RGS7: variants seen among roughly 807,000 people sequenced by gnomAD.
RGS7 encodes the protein regulator of G-protein signaling 7.
RGS7 carries 27 observed loss-of-function variants against 81.1 expected under a neutral mutation model. The ratio of observed to expected loss-of-function variants is 0.33; its 90% CI spans 0.25 to 0.46. RGS7 has a LOEUF of 0.46. RGS7 is among the 20% of genes least tolerant of loss of function. The probability of loss-of-function intolerance (pLI) is 1.00; values close to 1 mark genes in which losing one functional copy is unlikely to be tolerated. For missense variants in RGS7, 396 were observed against 607.4 expected (o/e 0.65, Z 3.66); for synonymous variants, 208 against 207.7 (o/e 1.00, Z -0.01).
chr1:241,143,204 G>A, intron 2 of RGS7, among the ~76,000 whole-genome samples: 1 of 152,100 alleles, frequency 6.6e-6, no homozygotes, highest in Non-Finnish European at 1.5e-5. Context: ...GTCTTCTTCT[G>A]AGCCCTCCAA....
intron 2 of RGS7, among the ~76,000 whole-genome samples, chr1:241,157,821 C>CTT (rs67249227): frequency 0.028 from 2,649 of 94,668 alleles, 68 homozygotes; most frequent in African/African-American, 0.06. Context: ...CTTTTCTTTT[C>CTT]TTTTTTTTTT....
intron 3 of RGS7, among the ~76,000 whole-genome samples, chr1:241,039,985 A>C (rs955239689): frequency 1.3e-5 from 2 of 152,236 alleles, no homozygotes; most frequent in Non-Finnish European, 2.9e-5. Flanking sequence ...GTTTAATAGA[A>C]GATTGAATGT....
intron 2 of RGS7, among the ~76,000 whole-genome samples, chr1:241,148,051 C>CTT (rs58632066): frequency 0.013 from 1,387 of 108,460 alleles, 47 homozygotes; most frequent in African/African-American, 0.02. Context: ...TTTTCTTTTT[C>CTT]TTTTTTTTTT....
intron 2 of RGS7, among the ~76,000 whole-genome samples, chr1:241,348,772 G>T (rs1012712482): frequency 6.6e-6 from 1 of 152,160 alleles, no homozygotes; most frequent in African/African-American, 2.4e-5. Flanking sequence ...ATGAGTAGAG[G>T]AAGCTGTCTA....
intron 2 of RGS7, among the ~76,000 whole-genome samples, chr1:241,238,976 T>C (rs2076129291): frequency 6.7e-6 from 1 of 148,958 alleles, no homozygotes; most frequent in African/African-American, 2.5e-5. Flanking sequence ...CTTTTTTTTT[T>C]TTTTTTTTTT....
chr1:240,871,607 TA>T (rs1274796282), intron 6 of RGS7, among the ~76,000 whole-genome samples: 1 of 152,206 alleles, frequency 6.6e-6, no homozygotes, highest in African/African-American at 2.4e-5. Flanking sequence ...TCAGACTTCA[TA>T]AACAAAAGTG....
chr1:240,979,956 T>C (rs1241784082), intron 4 of RGS7, among the ~76,000 whole-genome samples: 1 of 152,124 alleles, frequency 6.6e-6, no homozygotes, highest in African/African-American at 2.4e-5. Flanking sequence ...AAAGAAGAAA[T>C]GGAATTTTCC....
intron 6 of RGS7, among the ~76,000 whole-genome samples, chr1:240,914,644 A>C (rs1183401925): frequency 6.6e-6 from 1 of 152,198 alleles, no homozygotes; most frequent in East Asian, 1.9e-4. Context: ...AAATAAAAAC[A>C]ACATAGTCAT....
At chr1:240,940,159 T>G (rs892122180) in intron 4 of RGS7, among the ~76,000 whole-genome samples, 2 of 152,178 alleles carry the variant, frequency 1.3e-5, no homozygotes, top group Admixed American at 6.5e-5. Context: ...GCCCCCAATA[T>G]ATTCCCTAGT....
At chr1:241,089,180 A>G (rs186007009) in intron 3 of RGS7, among the ~76,000 whole-genome samples, 30 of 148,060 alleles carry the variant, frequency 2.0e-4, no homozygotes, top group Non-Finnish European at 4.2e-4. Context: ...GAAAAAGCAG[A>G]GCAGGGATAA....
intron 2 of RGS7, chr1:241,305,804 G>A (rs1057407486): frequency 6.9e-5 from 19 of 277,030 alleles, no homozygotes; most frequent in Admixed American, 3.6e-4. Flanking sequence ...TGAGGCGCCC[G>A]CTTGGCTGTG....
intron 3 of RGS7, among the ~76,000 whole-genome samples, chr1:241,034,788 G>A (rs946493774): frequency 2.6e-5 from 4 of 152,084 alleles, no homozygotes; most frequent in South Asian, 2.1e-4. Flanking sequence ...AAGTGAGAGC[G>A]CCATCATACT....
At chr1:241,004,695 C>A (rs1167389051) in intron 3 of RGS7, among the ~76,000 whole-genome samples, 1 of 150,210 alleles carries the variant, frequency 6.7e-6, no homozygotes, top group East Asian at 1.9e-4. Flanking sequence ...GGAAGCCCAG[C>A]AACGCCTGTC....
At chr1:241,210,262 G>A (rs1243278790) in intron 2 of RGS7, among the ~76,000 whole-genome samples, 2 of 152,104 alleles carry the variant, frequency 1.3e-5, no homozygotes, top group African/African-American at 4.8e-5. Context: ...TGATTCTCCT[G>A]CCTCAGTCTC....
At chr1:240,958,356 T>C (rs1680791597) in intron 4 of RGS7, among the ~76,000 whole-genome samples, 1 of 152,218 alleles carries the variant, frequency 6.6e-6, no homozygotes, top group Non-Finnish European at 1.5e-5. Context: ...TAGGAGATCA[T>C]TCTCCAAATC....
rs558112062 is a variant in RGS7 at position 241,001,577 on chromosome 1, C to T, written c.176-18448G>A. On this transcript the variant is annotated intron_variant, in intron 3 of 18. Transcript: ENST00000440928. ...AATAAATAAATAAATGACTGGTATA[C>T]CCAGACAACAAAACATCATTGAGTT... is the stretch of plus-strand genomic sequence containing the variant. Among the ~76,000 whole-genome samples, 4 of 152,138 alleles carry T rather than the reference C, an allele frequency of 2.6e-5. No homozygotes were observed. In the South Asian group the frequency reaches 6.2e-4, roughly 24 times the overall value.
chr1:240,793,309 T>G (rs779706859), intron 18 of RGS7, among the ~76,000 whole-genome samples: 1 of 152,138 alleles, frequency 6.6e-6, no homozygotes, highest in Non-Finnish European at 1.5e-5. Flanking sequence ...CAAGGTCTGA[T>G]ACATTGCACA....
chr1:241,352,314 G>C (rs1202383356), intron 2 of RGS7, among the ~76,000 whole-genome samples: 2 of 152,128 alleles, frequency 1.3e-5, no homozygotes, highest in Non-Finnish European at 2.9e-5. Flanking sequence ...AATCTAGTTA[G>C]GGGCCTGACT....
At chr1:241,190,252 G>A (rs1255942004) in intron 2 of RGS7, among the ~76,000 whole-genome samples, 2 of 151,996 alleles carry the variant, frequency 1.3e-5, no homozygotes, top group East Asian at 3.8e-4. Flanking sequence ...CTTGAAATGA[G>A]GCAGATTTAT....
Sources: allele counts gnomAD v4.1 joint callset (sites outside exome capture counted in the v4.1 genomes callset), GRCh38; gene constraint gnomAD v4.1.1; transcripts MANE v1.5; gene names NCBI Gene and HGNC (gene_info 2026-07-23, HGNC 2026-07-21).